TULP2: variants seen among roughly 807,000 people sequenced by gnomAD.
TULP2 encodes the protein TUB like protein 2, also known as tubby-related protein 2.
In TULP2, 64 loss-of-function variants were observed where a neutral mutation model predicts 60.3. The observed-to-expected ratio is 1.06, with a 90% CI of 0.87 to 1.31. The LOEUF (loss-of-function observed/expected upper bound fraction) is 1.31, where lower values mean the gene tolerates loss of function less well. TULP2 is among the 50% of genes most tolerant of loss of function. TULP2 has a pLI of 0.00. For missense variants in TULP2, 652 were observed against 667.0 expected (o/e 0.98, Z 0.25); for synonymous variants, 267 against 265.4 (o/e 1.01, Z -0.06).
chr19:48,881,376 ATT>A (rs72139613), intron 12 of TULP2, among the ~76,000 whole-genome samples: 97 of 90,440 alleles, frequency 1.1e-3, no homozygotes, highest in African/African-American at 2.4e-3. Flanking sequence ...CGTCCGGCTA[ATT>A]TTTTTTTTTT....
Position 48,883,859 on chromosome 19 carries a change from G to A in TULP2, c.1177-7C>T. 1 of 1,614,022 alleles carries A rather than the reference G, an allele frequency of 6.2e-7. No individual in the cohort carries two copies. Among genetic ancestry groups the A allele is most frequent in the Non-Finnish European group, 8.5e-7 (1 of 1,179,990 alleles). On this transcript the variant is annotated splice_region_variant and splice_polypyrimidine_tract_variant and intron_variant, in intron 10 of 12. Transcript: ENST00000221399. ...ATCCTAAGACGTTGGGCTCCTGGGG[G>A]TATTACATTCCAGTTGGCCTGGTTC... is the stretch of plus-strand genomic sequence containing the variant.
chr19:48,896,689 C>A, intron 3 of TULP2, 133 bp from the exon 4 acceptor site: 1 of 1,096,976 alleles, frequency 9.1e-7, no homozygotes, highest in East Asian at 2.8e-5. Context: ...GCCCACACGT[C>A]CAGGCCCTCA....
chr19:48,883,151 C>G (rs1270788809), intron 11 of TULP2, among the ~76,000 whole-genome samples: 79 of 150,436 alleles, frequency 5.3e-4, no homozygotes, highest in African/African-American at 1.8e-3. Flanking sequence ...CCGGGGAGGT[C>G]GAGCTTGCAG....
intron 6 of TULP2, among the ~76,000 whole-genome samples, chr19:48,889,940 A>G (rs1322533370): frequency 6.6e-6 from 1 of 152,232 alleles, no homozygotes; most frequent in Non-Finnish European, 1.5e-5. Context: ...GGAAGGGCGC[A>G]GGGACCTCTG....
intron 6 of TULP2, among the ~76,000 whole-genome samples, chr19:48,890,452 G>C (rs1174150258): frequency 6.6e-6 from 1 of 151,930 alleles, no homozygotes; most frequent in Non-Finnish European, 1.5e-5. Context: ...GAACTCAGAG[G>C]CTGGCGGGAT....
intron 6 of TULP2, among the ~76,000 whole-genome samples, chr19:48,894,736 T>C (rs576138900): frequency 6.6e-6 from 1 of 151,892 alleles, no homozygotes; most frequent in African/African-American, 2.4e-5. Flanking sequence ...GGGATGTTCA[T>C]AGTTTATATG....
At chr19:48,896,810 T>G in intron 3 of TULP2, 2 of 401,738 alleles carry the variant, frequency 5.0e-6, no homozygotes, top group Non-Finnish European at 8.8e-6. Context: ...AGAAGCCTTG[T>G]TCCTTAGAAA....
chr19:48,884,678 G>A lies in TULP2; in HGVS notation c.1062-632C>T, dbSNP rs189980586. Among the ~76,000 whole-genome samples the A allele has an allele frequency of 7.9e-3, 1,198 of 151,642 alleles. 19 individuals carry two copies. Among genetic ancestry groups the A allele is most frequent in the African/African-American group, 0.027 (1,104 of 41,380 alleles). On this transcript the variant is annotated intron_variant, in intron 9 of 12. Coordinates refer to ENST00000221399, the MANE Select transcript of TULP2 (RefSeq NM_003323.3). ...CCAGCTACTCAGGAGGCTGAGGCAG[G>A]AGAATTGCTTGAACCTGGGAGGCGG...
chr19:48,883,690 T>C, intron 11 of TULP2, 64 bp downstream of exon 11: 1 of 1,559,248 alleles, frequency 6.4e-7, no homozygotes, highest in South Asian at 1.1e-5. Flanking sequence ...TCCTCTGGGA[T>C]CTAGGAGGAC....
rs753193828 is a variant in TULP2 at position 48,896,429 on chromosome 19, C to A, written c.211+1G>T. The A allele has an allele frequency of 1.2e-6, 2 of 1,605,894 alleles. No homozygotes were observed. The highest frequency in any genetic ancestry group is 1.7e-5 in the Admixed American group (1 of 58,854). On this transcript the variant is annotated splice_donor_variant, in intron 4 of 12. Transcript: ENST00000221399. LOFTEE classifies it high-confidence loss of function. ...GAACGCCCCCAGGGGTCTTTGGTCA[C>A]CTCTGTCACCTAAAAGGCGCTCCTC...
At chr19:48,883,714 T>C (rs758009284) in intron 11 of TULP2, 40 bp downstream of exon 11, 1 of 1,609,630 alleles carries the variant, frequency 6.2e-7, no homozygotes, top group Non-Finnish European at 8.5e-7. Context: ...CCCCAGCCCC[T>C]TCTCCATTGA....
chr19:48,883,998 A>G lies in TULP2; in HGVS notation c.1110T>C (p.Asn370=). The G allele has an allele frequency of 6.2e-7, 1 of 1,613,956 alleles. No homozygotes were observed. The highest frequency in any genetic ancestry group is 1.3e-5 in the African/African-American group (1 of 74,954). Residue 370 remains asparagine (N), a synonymous_variant, in exon 10 of 13, where the codon AAT becomes AAC. Transcript: ENST00000221399. ...TCCTGGTTAAATGCTCCCGGTCAGG[A>G]TTCACCCCATTGTCAAAGATGGTGA... ...TKFTIFDNGV[N]PDREHLTRNT...
At chr19:48,886,875 C>T (rs1247864851) in intron 8 of TULP2, among the ~76,000 whole-genome samples, 1 of 150,934 alleles carries the variant, frequency 6.6e-6, no homozygotes, top group Non-Finnish European at 1.5e-5. Context: ...CCAGGCCTGG[C>T]TAATTTTTTT....
At position 48,884,908 on chromosome 19, in the gene TULP2, C is replaced by CTTT. The variant is rs745788084; in HGVS notation, c.1061+537_1061+539dup. Among the ~76,000 whole-genome samples, 242 of 97,366 alleles carry CTTT rather than the reference C, an allele frequency of 2.5e-3. 15 individuals carry two copies. The highest frequency in any genetic ancestry group is 9.4e-3 in the African/African-American group (228 of 24,286). The allele number at this position is 97,366 out of a possible 152,430, so 63.9% of individuals were successfully genotyped here. On this transcript the variant is annotated intron_variant, in intron 9 of 12. Coordinates refer to ENST00000221399, the MANE Select transcript of TULP2 (RefSeq NM_003323.3). Reference sequence around the variant, plus strand: ...ATTTAAAGGGCCCTTTAGGAACCCTCTTTTTTTTTTTTTTTTTTTTTTTTT... The same window carrying CTTT: ...ATTTAAAGGGCCCTTTAGGAACCCTCTTTTTTTTTTTTTTTTTTTTTTTTTTTT...
intron 11 of TULP2, among the ~76,000 whole-genome samples, 199 bp from the exon 12 acceptor site, chr19:48,882,402 G>C (rs1431400051): frequency 6.6e-6 from 1 of 152,116 alleles, no homozygotes; most frequent in Non-Finnish European, 1.5e-5. Flanking sequence ...GACAGGACTG[G>C]TATCACAATG....
Position 48,885,462 on chromosome 19 carries a change from G to GA in TULP2, c.1046dup (p.Val350ArgfsTer17), listed in dbSNP as rs770226291. On this transcript the variant is annotated frameshift_variant, in exon 9 of 13. Transcript: ENST00000221399. LOFTEE classifies it high-confidence loss of function. ...GCTCTACCCACCTGACTTTGCCCACGAAATTGTCCCCGTCCCGAGATAGGT... is the reference window on the plus strand; with the variant it reads ...GCTCTACCCACCTGACTTTGCCCACGAAAATTGTCCCCGTCCCGAGATAGGT... 1 of 1,613,890 alleles carries GA rather than the reference G, an allele frequency of 6.2e-7. No homozygotes were observed. Among genetic ancestry groups the GA allele is most frequent in the Admixed American group, 1.7e-5 (1 of 59,994 alleles).
intron 5 of TULP2, 85 bp downstream of exon 5, chr19:48,895,280 TG>T: frequency 6.3e-7 from 1 of 1,580,820 alleles, no homozygotes; most frequent in Non-Finnish European, 8.6e-7. Context: ...CTGAGTATTT[TG>T]GACAGATGGA....
chr19:48,885,305 G>A, intron 9 of TULP2, 143 bp downstream of exon 9: 1 of 631,334 alleles, frequency 1.6e-6, no homozygotes, highest in Non-Finnish European at 2.8e-6. Context: ...TGCCTTAAAT[G>A]CCAGCCTACG....
chr19:48,891,179 C>T (rs2037229225), intron 6 of TULP2, among the ~76,000 whole-genome samples: 2 of 146,068 alleles, frequency 1.4e-5, no homozygotes, highest in Non-Finnish European at 3.0e-5. Flanking sequence ...AAAAAATTAG[C>T]CGGGTGTGGT....
Sources: gnomAD v4.1 joint callset for allele counts (sites outside exome capture counted in the v4.1 genomes callset) on GRCh38, gnomAD v4.1.1 for gene constraint, MANE v1.5 for transcripts, NCBI Gene and HGNC (gene_info 2026-07-23, HGNC 2026-07-21) for gene names.